Variants in RTN4IP1 observed in about 807,000 individuals in gnomAD.
RTN4IP1 encodes the protein reticulon 4 interacting protein 1.
In RTN4IP1, 32 loss-of-function variants were observed where a neutral mutation model predicts 46.6. The ratio of observed to expected loss-of-function variants is 0.69; its 90% CI spans 0.52 to 0.92. The LOEUF (loss-of-function observed/expected upper bound fraction) is 0.92. Ranked by LOEUF, RTN4IP1 falls within the 40% of genes least tolerant of loss-of-function variation. The pLI is 0.00. For synonymous variants in RTN4IP1, 167 were observed against 161.8 expected (o/e 1.03, Z -0.24); for missense variants, 424 against 485.8 (o/e 0.87, Z 1.20).
chr6:106,610,467 A>T (rs768063635), intron 4 of RTN4IP1, among the ~76,000 whole-genome samples: 1 of 152,184 alleles, frequency 6.6e-6, no homozygotes, highest in Admixed American at 6.5e-5. Flanking sequence ...AGCACGTTCA[A>T]TGCAAAGGGA....
chr6:106,610,438 T>C (rs1404630179), intron 4 of RTN4IP1, among the ~76,000 whole-genome samples: 1 of 152,176 alleles, frequency 6.6e-6, no homozygotes, highest in Non-Finnish European at 1.5e-5. Flanking sequence ...CAACTAATTA[T>C]TCTTGTTGTA....
At chr6:106,600,734 G>A (rs1409416580) in intron 5 of RTN4IP1, among the ~76,000 whole-genome samples, 1 of 151,902 alleles carries the variant, frequency 6.6e-6, no homozygotes, top group Non-Finnish European at 1.5e-5. Context: ...ATTCATCCAT[G>A]CTGTATCATC....
chr6:106,577,120 C>T (rs1775247962), intron 8 of RTN4IP1, among the ~76,000 whole-genome samples: 1 of 152,130 alleles, frequency 6.6e-6, no homozygotes, highest in African/African-American at 2.4e-5. Flanking sequence ...GAAGAATATA[C>T]ATGTATCAAT....
intron 2 of RTN4IP1, 78 bp downstream of exon 2, chr6:106,622,740 G>C: frequency 1.4e-6 from 2 of 1,442,122 alleles, no homozygotes; most frequent in Non-Finnish European, 1.9e-6. Context: ...ATCTGTGTCA[G>C]TGTGCGTCTC....
At chr6:106,604,496 T>A (rs1402248378) in intron 4 of RTN4IP1, among the ~76,000 whole-genome samples, 1 of 152,082 alleles carries the variant, frequency 6.6e-6, no homozygotes, top group Non-Finnish European at 1.5e-5. Flanking sequence ...TCTCTCACCA[T>A]CCCGGCCACG....
Position 106,629,113 on chromosome 6 carries a change from C to A in RTN4IP1, c.-92G>T. 2 of 1,277,892 alleles carry A rather than the reference C, an allele frequency of 1.6e-6. No homozygotes were observed. The highest frequency in any genetic ancestry group is 2.2e-6 in the Non-Finnish European group (2 of 928,410). The allele number at this position is 1,277,892 out of a possible 1,614,324, so 79.2% of individuals were successfully genotyped here. ...TGAATTCAGTCAAATTCTGCCAAACCACGGGCTAGTTTCAAAATTAAGCAT... is the reference window on the plus strand; with the variant it reads ...TGAATTCAGTCAAATTCTGCCAAACAACGGGCTAGTTTCAAAATTAAGCAT... On this transcript the variant is annotated 5_prime_UTR_variant, in exon 1 of 9. Coordinates refer to ENST00000369063, the MANE Select transcript of RTN4IP1 (RefSeq NM_032730.5).
At chr6:106,621,301 A>G in intron 3 of RTN4IP1, 124 bp downstream of exon 3, 1 of 699,162 alleles carries the variant, frequency 1.4e-6, no homozygotes, top group East Asian at 2.7e-5. Context: ...CCTATATTCT[A>G]TATTATCTTT....
intron 8 of RTN4IP1, among the ~76,000 whole-genome samples, chr6:106,575,778 T>C (rs926224479): frequency 3.3e-5 from 5 of 152,216 alleles, no homozygotes; most frequent in Admixed American, 1.3e-4. Flanking sequence ...GAGCTGTCAA[T>C]AGCAGAGCCA....
At chr6:106,624,007 C>G (rs1241682098) in intron 1 of RTN4IP1, among the ~76,000 whole-genome samples, 2 of 152,188 alleles carry the variant, frequency 1.3e-5, no homozygotes, top group African/African-American at 4.8e-5. Context: ...TAAAAAGCCT[C>G]TTGGCTGCAT....
At chr6:106,609,723 C>T (rs141199898) in intron 4 of RTN4IP1, among the ~76,000 whole-genome samples, 2 of 152,340 alleles carry the variant, frequency 1.3e-5, no homozygotes, top group East Asian at 3.9e-4. Context: ...CTTCAGGATC[C>T]AACTGCCAAA....
intron 4 of RTN4IP1, among the ~76,000 whole-genome samples, chr6:106,616,091 G>A (rs1776348381): frequency 6.6e-6 from 1 of 152,034 alleles, no homozygotes; most frequent in African/African-American, 2.4e-5. Context: ...GCTAATTTTT[G>A]TATTTTTAGT....
In RTN4IP1 at chr6:106,621,504, C is replaced by A. The variant is rs1277052270; in HGVS notation, c.427-11G>T. On this transcript the variant is annotated splice_polypyrimidine_tract_variant and intron_variant, in intron 2 of 8. Coordinates refer to ENST00000369063, the MANE Select transcript of RTN4IP1 (RefSeq NM_032730.5). The stretch of plus-strand genomic sequence containing the variant: ...AACTGCAGCCCAGACCTGAAACACA[C>A]ACAGACAGACAGCTTCATTAGAAAC... The A allele has an allele frequency of 2.5e-6, 4 of 1,611,042 alleles. No individual in the cohort carries two copies. In the African/African-American group the frequency reaches 4.0e-5, roughly 16 times the overall value.
At chr6:106,606,052 G>GA (rs968292399) in intron 4 of RTN4IP1, among the ~76,000 whole-genome samples, 12 of 152,030 alleles carry the variant, frequency 7.9e-5, no homozygotes, top group African/African-American at 2.9e-4. Context: ...CTTACATATA[G>GA]AAAAAACAAA....
chr6:106,614,381 G>GA (rs1345400443), intron 4 of RTN4IP1, among the ~76,000 whole-genome samples: 2 of 152,160 alleles, frequency 1.3e-5, no homozygotes, highest in Non-Finnish European at 2.9e-5. Flanking sequence ...GGTAAGTGTT[G>GA]TTTTGCTCAA....
At chr6:106,578,446 T>C (rs1367952045) in intron 8 of RTN4IP1, among the ~76,000 whole-genome samples, 4 of 152,182 alleles carry the variant, frequency 2.6e-5, no homozygotes, top group Non-Finnish European at 5.9e-5. Flanking sequence ...GTGACCTGAA[T>C]AGAATTTTTG....
At chr6:106,582,417 C>G (rs143681995) in intron 8 of RTN4IP1, among the ~76,000 whole-genome samples, 1 of 152,354 alleles carries the variant, frequency 6.6e-6, no homozygotes, top group African/African-American at 2.4e-5. Context: ...AAATCAGCTT[C>G]AAGCACTAAG....
Position 106,583,435 on chromosome 6 carries a change from A to G in RTN4IP1, c.991-15T>C. The G allele has an allele frequency of 6.3e-7, 1 of 1,594,712 alleles. No individual in the cohort carries two copies. The highest frequency in any genetic ancestry group is 8.6e-7 in the Non-Finnish European group (1 of 1,163,776). ...TTCCAGAAATGCTAAAAAGAAGAAA[A>G]CAAAACATGTCAAATACAGAAAAAC... On this transcript the variant is annotated splice_polypyrimidine_tract_variant and intron_variant, in intron 7 of 8. Coordinates refer to ENST00000369063, the MANE Select transcript of RTN4IP1 (RefSeq NM_032730.5).
chr6:106,599,159 C>T (rs1268172790), intron 5 of RTN4IP1, among the ~76,000 whole-genome samples: 1 of 151,676 alleles, frequency 6.6e-6, no homozygotes, highest in Admixed American at 6.6e-5. Flanking sequence ...GCATGTTATT[C>T]TATACCTTAT....
chr6:106,592,115 CA>C, intron 6 of RTN4IP1, 48 bp downstream of exon 6: 3 of 1,585,326 alleles, frequency 1.9e-6, no homozygotes, highest in Non-Finnish European at 2.6e-6. Context: ...CCTGCATAAT[CA>C]ACTGTCCTTG....
Sources: gnomAD v4.1 joint callset for allele counts (sites outside exome capture counted in the v4.1 genomes callset) on GRCh38, gnomAD v4.1.1 for gene constraint, MANE v1.5 for transcripts, NCBI Gene and HGNC (gene_info 2026-07-23, HGNC 2026-07-21) for gene names.